Variants in THAP10 observed in about 807,000 individuals in gnomAD.
THAP10 encodes THAP domain containing 10, also known as THAP domain-containing protein 10.
In THAP10, 10 loss-of-function variants were observed where a neutral mutation model predicts 15.7. That is an observed-to-expected ratio of 0.64 (90% CI 0.39 to 1.08). The LOEUF (loss-of-function observed/expected upper bound fraction) is 1.08, where lower values mean the gene tolerates loss of function less well. Ranked by LOEUF, THAP10 falls within the 50% of genes least tolerant of loss-of-function variation. The pLI, the probability that THAP10 is intolerant of heterozygous loss-of-function variation, is 0.01. For missense variants in THAP10, 310 were observed against 330.9 expected, an observed-to-expected ratio of 0.94 and a Z score of 0.49; for synonymous variants, 127 against 129.1, an observed-to-expected ratio of 0.98 and a Z score of 0.11.
At position 70,882,833 on chromosome 15, in the gene THAP10, T is replaced by C. The variant is rs781663155; in HGVS notation, c.505A>G (p.Thr169Ala). ...TGCACTGGGCCTTCTTCACAGTGAG[T>C]AGGTACTGAAGTGACAGTATTAGAT... is the stretch of plus-strand genomic sequence containing the variant. Reference protein sequence around the residue: ...NPSNTVTSVPTHCEEGPVHKS... With the variant: ...NPSNTVTSVPAHCEEGPVHKS... Residue 169 changes from threonine to alanine, a missense_variant, in exon 2 of 3, where the codon ACT becomes GCT. Thr to Ala is a moderately conservative substitution (Grantham distance 58, BLOSUM62 0). Transcript: ENST00000249861. 3.1e-6 allele frequency: 5 copies of C among 1,614,070 alleles called. No homozygotes were observed. The South Asian group carries it at 5.5e-5, about 18-fold the overall frequency.
intron 1 of THAP10, among the ~76,000 whole-genome samples, chr15:70,889,789 A>T (rs1339750079): frequency 1.3e-5 from 2 of 152,170 alleles, no homozygotes; most frequent in Admixed American, 6.5e-5. Context: ...AATCACTGGA[A>T]ATCTGATTTT....
rs79239232 is a variant in THAP10, at chr15:70,883,063, C to T, written c.430-155G>A. Among the ~76,000 whole-genome samples the T allele has an allele frequency of 6.4e-3, 975 of 152,248 alleles. 14 individuals are homozygous for T. The highest frequency in any genetic ancestry group is 0.021 in the African/African-American group (882 of 41,540). ...ACCTAGGCAAGGTGAATCTATAGTC[C>T]AACCTTTTATGAATTCTGCCATATT... is the stretch of plus-strand genomic sequence containing the variant. On this transcript the variant is annotated intron_variant, in intron 1 of 2. Transcript: ENST00000249861.
rs1462426976 is a variant in THAP10 at position 70,890,326 on chromosome 15, G to T, written c.429+1518C>A. Among the ~76,000 whole-genome samples the T allele has an allele frequency of 2.6e-5, 4 of 152,184 alleles. No homozygotes were observed. The East Asian group carries it at 7.7e-4, about 29-fold the overall frequency. Reference sequence around the variant, plus strand: ...GGTGATGGTGGACAGATGGTTCAAGGAAAGGACAGCTATCTTGACAGGTAT... The same window carrying T: ...GGTGATGGTGGACAGATGGTTCAAGTAAAGGACAGCTATCTTGACAGGTAT... On this transcript the variant is annotated intron_variant, in intron 1 of 2. Coordinates refer to ENST00000249861, the MANE Select transcript of THAP10 (RefSeq NM_020147.4).
intron 1 of THAP10, among the ~76,000 whole-genome samples, chr15:70,890,513 C>T (rs1446067791): frequency 2.6e-5 from 4 of 152,170 alleles, no homozygotes; most frequent in African/African-American, 9.7e-5. Context: ...AGAAATCAGA[C>T]ATGATCCTAG....
intron 1 of THAP10, among the ~76,000 whole-genome samples, chr15:70,891,618 TGA>T (rs1555426203): frequency 1.4e-4 from 18 of 127,624 alleles, no homozygotes; most frequent in Admixed American, 5.5e-4. Flanking sequence ...TGTGTGTGTG[TGA>T]GTTTTGGGGG....
rs1044259265 is a variant in THAP10 at position 70,881,540 on chromosome 15, T to C, written c.*914A>G. 3.3e-5 allele frequency: 5 copies of C among 152,200 alleles called. No homozygotes were observed. The highest frequency in any genetic ancestry group is 1.2e-4 in the African/African-American group (5 of 41,458). The allele number at this position is 152,200 out of a possible 1,614,324, so 9.4% of individuals were successfully genotyped here. A position where few individuals can be genotyped will look rare whatever the true frequency, so the allele number is the denominator to read the frequency against. ...TCTCAATGGAAGATCAGAGTTATAG[T>C]ATGCTTCTCAGAAACTATTGTAACA... On this transcript the variant is annotated 3_prime_UTR_variant, in exon 3 of 3. Transcript: ENST00000249861.
intron 1 of THAP10, among the ~76,000 whole-genome samples, chr15:70,884,188 A>G (rs1432941417): frequency 1.3e-5 from 2 of 152,128 alleles, no homozygotes; most frequent in Non-Finnish European, 2.9e-5. Context: ...CCACTGAAAA[A>G]ATATTTTAGT....
At chr15:70,891,165 T>C (rs1399858964) in intron 1 of THAP10, among the ~76,000 whole-genome samples, 6 of 152,154 alleles carry the variant, frequency 3.9e-5, no homozygotes, top group African/African-American at 1.4e-4. Flanking sequence ...AAGTTTTCTT[T>C]AAAATGGTAC....
At chr15:70,883,106 AAATCATG>A (rs2033308980) in intron 1 of THAP10, among the ~76,000 whole-genome samples, 198 bp from the exon 2 acceptor site, 1 of 152,232 alleles carries the variant, frequency 6.6e-6, no homozygotes, top group African/African-American at 2.4e-5. Context: ...TTCCACTTAT[AAATCATG>A]AATTCTGGTC....
rs1248932876 is a variant in THAP10, at chr15:70,882,459, A to G, written c.769T>C (p.Cys257Arg). The G allele has an allele frequency of 6.2e-7, 1 of 1,607,640 alleles. No homozygotes were observed. Among genetic ancestry groups the G allele is most frequent in the East Asian group, 2.2e-5 (1 of 44,814 alleles). Residue 257 changes from cysteine (C) to arginine (R), a missense_variant, in exon 3 of 3, where the codon TGT becomes CGT. Physicochemically the swap from Cys to Arg is radical, Grantham distance 180. Transcript: ENST00000249861. Reference protein sequence around the residue: ...YMAVQVKEETC With the variant: ...YMAVQVKEETR The stretch of plus-strand genomic sequence containing the variant: ...GAGCATTTGATGTTGAGTTTTTAAC[A>G]TGTTTCTTCTTTCACCTGTACAGCC...
intron 1 of THAP10, among the ~76,000 whole-genome samples, chr15:70,884,729 G>A (rs2033359822): frequency 6.6e-6 from 1 of 152,168 alleles, no homozygotes; most frequent in South Asian, 2.1e-4. Context: ...ACAAAAAGGT[G>A]TATTCTGGAT....
Position 70,882,398 on chromosome 15 carries a change from T to C in THAP10, c.*56A>G. ...AGATTTACAATAGCAAAGAGATAAT[T>C]ATGTGAGTAAAGATTTGAAAATCTA... On this transcript the variant is annotated 3_prime_UTR_variant, in exon 3 of 3. Coordinates refer to ENST00000249861, the MANE Select transcript of THAP10 (RefSeq NM_020147.4). The C allele has an allele frequency of 1.5e-6, 2 of 1,327,752 alleles. No homozygotes were observed. Among genetic ancestry groups the C allele is most frequent in the Non-Finnish European group, 2.1e-6 (2 of 948,892 alleles). The allele number at this position is 1,327,752 out of a possible 1,614,324, so 82.2% of individuals were successfully genotyped here. A position where few individuals can be genotyped will look rare whatever the true frequency, so the allele number is the denominator to read the frequency against.
At position 70,881,376 on chromosome 15, in the gene THAP10, A is replaced by G. The variant is rs936695575; in HGVS notation, c.*1078T>C. 1 of 152,252 alleles carries G rather than the reference A, an allele frequency of 6.6e-6. No homozygotes were observed. The highest frequency in any genetic ancestry group is 1.5e-5 in the Non-Finnish European group (1 of 68,042). 9.4% of individuals were successfully genotyped at this position (152,252 alleles called of 1,614,324 possible). On this transcript the variant is annotated 3_prime_UTR_variant, in exon 3 of 3. Transcript: ENST00000249861. ...TATTTTATTTTATTTTCCTTAAAGC[A>G]GACATAAAATTACATTTGGAAGAAA... is the stretch of plus-strand genomic sequence containing the variant.
In THAP10 at chr15:70,881,770, T is replaced by G. The variant is rs948625215; in HGVS notation, c.*684A>C. 2 of 152,242 alleles carry G rather than the reference T, an allele frequency of 1.3e-5. No individual in the cohort carries two copies. The highest frequency in any genetic ancestry group is 4.8e-5 in the African/African-American group (2 of 41,466). 9.4% of individuals were successfully genotyped at this position (152,242 alleles called of 1,614,324 possible). ...TGTTAATGATTCTAATCTAAATTAA[T>G]CAAGCTAATTAATGTGTCGCAGTAA... On this transcript the variant is annotated 3_prime_UTR_variant, in exon 3 of 3. Coordinates refer to ENST00000249861, the MANE Select transcript of THAP10 (RefSeq NM_020147.4).
At chr15:70,889,741 G>C (rs544294622) in intron 1 of THAP10, among the ~76,000 whole-genome samples, 1 of 152,246 alleles carries the variant, frequency 6.6e-6, no homozygotes, top group South Asian at 2.1e-4. Context: ...CAAGCACCCA[G>C]AACAGTGTCT....
intron 1 of THAP10, among the ~76,000 whole-genome samples, chr15:70,888,861 T>TA (rs1356943400): frequency 1.3e-5 from 2 of 152,180 alleles, no homozygotes. Context: ...GGTGTTTCCT[T>TA]ACTAATTTCA....
chr15:70,883,866 G>A (rs1252704346), intron 1 of THAP10, among the ~76,000 whole-genome samples: 2 of 151,872 alleles, frequency 1.3e-5, no homozygotes, highest in Non-Finnish European at 2.9e-5. Flanking sequence ...ATGGTAACCA[G>A]GCTGGTCTCA....
chr15:70,885,304 C>T (rs968731131), intron 1 of THAP10, among the ~76,000 whole-genome samples: 14 of 152,062 alleles, frequency 9.2e-5, no homozygotes, highest in South Asian at 8.3e-4. Flanking sequence ...ATGGGGCAGA[C>T]GCAATATTTG....
In THAP10 at chr15:70,892,012, G is replaced by A. The variant is rs2033597680; in HGVS notation, c.261C>T (p.Pro87=). The A allele has an allele frequency of 6.2e-7, 1 of 1,612,908 alleles. No homozygotes were observed. Among genetic ancestry groups the A allele is most frequent in the Non-Finnish European group, 8.5e-7 (1 of 1,179,608 alleles). The change falls in exon 1 of 3, where the codon CCC becomes CCT. Residue 87 remains proline, a synonymous_variant. Coordinates refer to ENST00000249861, the MANE Select transcript of THAP10 (RefSeq NM_020147.4). ...CCGGGGCGGGCACCCGGTGCAGGGT[G>A]GGCACGGCGCCTGCCACCAGCCTCA... ...QRLRLVAGAV[P]TLHRVPAPAP...
Sources: allele counts gnomAD v4.1 joint callset (sites outside exome capture counted in the v4.1 genomes callset), GRCh38; gene constraint gnomAD v4.1.1; transcripts MANE v1.5; gene names NCBI Gene and HGNC (gene_info 2026-07-23, HGNC 2026-07-21).